Variants in CLIP1 observed in about 807,000 individuals in gnomAD.
CLIP1 encodes CAP-Gly domain-containing linker protein 1.
CLIP1 carries 66 observed loss-of-function variants against 161.6 expected under a neutral mutation model. The ratio of observed to expected loss-of-function variants is 0.41; its 90% CI spans 0.33 to 0.50. The LOEUF is 0.50. Among genes scored for constraint, CLIP1 ranks in the 20% least tolerant of loss-of-function variants. The pLI, the probability that CLIP1 is intolerant of heterozygous loss-of-function variation, is 0.27. For synonymous variants in CLIP1, 598 were observed against 626.2 expected (o/e 0.96, Z 0.67); for missense variants, 1,376 against 1,702.0 (o/e 0.81, Z 3.37).
At chr12:122,359,623 C>T (rs1217677704) in intron 5 of CLIP1, among the ~76,000 whole-genome samples, 1 of 152,214 alleles carries the variant, frequency 6.6e-6, no homozygotes, top group African/African-American at 2.4e-5. Flanking sequence ...CAGGCTTCCT[C>T]TTTATGCGCA....
intron 3 of CLIP1, among the ~76,000 whole-genome samples, chr12:122,369,158 A>G (rs567606780): frequency 6.6e-6 from 1 of 152,034 alleles, no homozygotes; most frequent in Admixed American, 6.5e-5. Context: ...AGCTGGGATT[A>G]CAGGCATGTG....
At chr12:122,357,448 C>T (rs1293503801) in intron 5 of CLIP1, among the ~76,000 whole-genome samples, 3 of 150,814 alleles carry the variant, frequency 2.0e-5, no homozygotes, top group African/African-American at 7.3e-5. Flanking sequence ...CCGGCAGCCA[C>T]CCCGTCTGGG....
chr12:122,322,403 C>T (rs778149138), intron 17 of CLIP1: 7 of 152,602 alleles, frequency 4.6e-5, no homozygotes, highest in Admixed American at 2.0e-4. Flanking sequence ...CTCATGGTTC[C>T]GCTGAAGGTC....
intron 10 of CLIP1, among the ~76,000 whole-genome samples, chr12:122,345,854 C>T (rs542677821): frequency 1.3e-5 from 2 of 151,528 alleles, no homozygotes; most frequent in Admixed American, 6.6e-5. Context: ...GGCGTGATCT[C>T]GGCTCACCGC....
At chr12:122,293,390 T>C (rs1950334145) in intron 20 of CLIP1, among the ~76,000 whole-genome samples, 1 of 152,110 alleles carries the variant, frequency 6.6e-6, no homozygotes, top group South Asian at 2.1e-4. Context: ...CCCTAGGTGC[T>C]GAGAAGTATG....
chr12:122,317,690 G>A (rs1258721571), intron 18 of CLIP1, among the ~76,000 whole-genome samples: 7 of 152,338 alleles, frequency 4.6e-5, no homozygotes, highest in African/African-American at 1.7e-4. Flanking sequence ...CCAGAAAAGG[G>A]AGCTATCTCC....
intron 1 of CLIP1, among the ~76,000 whole-genome samples, chr12:122,390,164 C>T (rs1955533478): frequency 1.4e-5 from 1 of 71,848 alleles, no homozygotes; most frequent in Non-Finnish European, 2.8e-5. Context: ...ATAAATTACA[C>T]AGTCTCAGAT....
chr12:122,399,248 G>C (rs1956058089), intron 1 of CLIP1: 1 of 152,130 alleles, frequency 6.6e-6, no homozygotes, highest in Non-Finnish European at 1.5e-5. Flanking sequence ...ACTTCAACCT[G>C]AGGACACTAA....
At chr12:122,404,555 G>A (rs1956253269) in intron 1 of CLIP1, among the ~76,000 whole-genome samples, 1 of 151,742 alleles carries the variant, frequency 6.6e-6, no homozygotes, top group African/African-American at 2.4e-5. Context: ...AGCCAAGATT[G>A]CGCCACAGCA....
At chr12:122,403,508 T>G (rs1187226192) in intron 1 of CLIP1, among the ~76,000 whole-genome samples, 5 of 149,884 alleles carry the variant, frequency 3.3e-5, no homozygotes, top group Non-Finnish European at 7.4e-5. Context: ...TGTTTTTTTT[T>G]TTTTTTTTTT....
At chr12:122,290,847 A>G (rs915448366) in intron 20 of CLIP1, among the ~76,000 whole-genome samples, 3 of 149,196 alleles carry the variant, frequency 2.0e-5, no homozygotes, top group Admixed American at 6.6e-5. Context: ...TAGCAGTTTT[A>G]TTTCTTTTTT....
intron 5 of CLIP1, among the ~76,000 whole-genome samples, chr12:122,356,644 G>A (rs1347829873): frequency 6.6e-6 from 1 of 150,894 alleles, no homozygotes; most frequent in Non-Finnish European, 1.5e-5. Flanking sequence ...CTCTCCCCAC[G>A]GTCTCCCTCT....
At chr12:122,394,267 A>G (rs1018128105) in intron 1 of CLIP1, among the ~76,000 whole-genome samples, 4 of 152,024 alleles carry the variant, frequency 2.6e-5, no homozygotes, top group Non-Finnish European at 5.9e-5. Flanking sequence ...AGGCGGGCGG[A>G]TCACTTGAGG....
intron 5 of CLIP1, among the ~76,000 whole-genome samples, chr12:122,358,409 T>C (rs1291325580): frequency 7.1e-6 from 1 of 141,480 alleles, no homozygotes; most frequent in Non-Finnish European, 1.5e-5. Flanking sequence ...AATCCCCCTC[T>C]GCGAGAAACA....
At chr12:122,367,745 G>A (rs9788228) in intron 3 of CLIP1, among the ~76,000 whole-genome samples, 98,203 of 152,110 alleles carry the variant, frequency 0.65, 32,131 homozygotes, top group African/African-American at 0.67. Context: ...AAGGCCAGGT[G>A]CAGTGGCTCA....
chr12:122,421,438 T>A (rs1462629716), intron 1 of CLIP1, among the ~76,000 whole-genome samples: 9 of 152,030 alleles, frequency 5.9e-5, no homozygotes, highest in Admixed American at 5.9e-4. Flanking sequence ...ACAGCCAGAA[T>A]CATAACCCTA....
intron 17 of CLIP1, 98 bp downstream of exon 17, chr12:122,327,849 A>C: frequency 9.0e-7 from 1 of 1,117,084 alleles, no homozygotes; most frequent in East Asian, 2.3e-5. Flanking sequence ...AGGCCACCTT[A>C]ACTTTTCCCA....
chr12:122,334,644 A>C lies in CLIP1; in HGVS notation c.2626+4T>G. On this transcript the variant is annotated splice_donor_region_variant and intron_variant, in intron 13 of 25. Coordinates refer to ENST00000620786, the MANE Select transcript of CLIP1 (RefSeq NM_001247997.2). ...CAATCTGCACACGCTCTGGTAAGAC[A>C]TACCTTGCATACTTCTCTGAACAGA... The C allele has an allele frequency of 6.3e-7, 1 of 1,576,610 alleles. No homozygotes were observed.
At chr12:122,418,019 C>A (rs376129131) in intron 1 of CLIP1, among the ~76,000 whole-genome samples, 3 of 152,198 alleles carry the variant, frequency 2.0e-5, no homozygotes, top group Non-Finnish European at 2.9e-5. Flanking sequence ...AATTTCCATT[C>A]TTCTAACTCT....
Sources: allele counts gnomAD v4.1 joint callset (sites outside exome capture counted in the v4.1 genomes callset), GRCh38; gene constraint gnomAD v4.1.1; transcripts MANE v1.5; gene names NCBI Gene and HGNC (gene_info 2026-07-23, HGNC 2026-07-21).